The following SHANK2 variants were observed in gnomAD, a reference collection of about 807,000 sequenced individuals.
SHANK2 encodes SH3 and multiple ankyrin repeat domains protein 2.
Under a neutral mutation model 133.7 loss-of-function variants are expected in SHANK2, and 43 were observed. The observed-to-expected ratio is 0.32, with a 90% CI of 0.25 to 0.41. The LOEUF (loss-of-function observed/expected upper bound fraction) is 0.41. SHANK2 is among the 10% of genes least tolerant of loss of function. The pLI is 1.00. For synonymous variants in SHANK2, 1,017 were observed against 952.8 expected, an observed-to-expected ratio of 1.07 and a Z score of -1.24; for missense variants, 1,994 against 2,235.8, an observed-to-expected ratio of 0.89 and a Z score of 2.18.
rs782236158 is a variant in SHANK2, at chr11:70,820,641, G to A, written c.1216C>T (p.Arg406Trp). 2.3e-5 allele frequency: 16 copies of A among 707,070 alleles called. No individual in the cohort carries two copies. The highest frequency in any genetic ancestry group is 8.1e-5 in the East Asian group (3 of 37,036). The allele number at this position is 707,070 out of a possible 1,614,324, so 43.8% of individuals were successfully genotyped here. The change falls in exon 12 of 26, where the codon CGG becomes TGG. Residue 406 changes from arginine (R) to tryptophan (W), a missense_variant. Physicochemically the swap from Arg to Trp is moderately radical, Grantham distance 101. This residue lies in a region of SHANK2 where 653 missense variants were observed against 563.4 expected (regional missense o/e 1.16). Coordinates refer to ENST00000601538, the MANE Select transcript of SHANK2 (RefSeq NM_012309.5). ...GGGGCGGCCAGCGTGTTGGGGGGCC[G>A]CCGCCGGCGGTTGGAGTACGCCGGG... ...EAPAYSNRRRRPPNTLAAPRV... is the reference protein window; with the variant it reads ...EAPAYSNRRRWPPNTLAAPRV...
chr11:70,833,093 G>A lies in SHANK2; in HGVS notation c.1175-12411C>T, dbSNP rs147529469. ...TCCCTCAGCTTCCCCAGCTGCTGTG[G>A]TTTCGAGTTCGAGCCCATCAGACAC... On this transcript the variant is annotated intron_variant, in intron 11 of 25. Coordinates refer to ENST00000601538, the MANE Select transcript of SHANK2 (RefSeq NM_012309.5). Among the ~76,000 whole-genome samples, 885 of 152,366 alleles carry A rather than the reference G, an allele frequency of 5.8e-3. 8 individuals are homozygous for A. The highest frequency in any genetic ancestry group is 0.019 in the African/African-American group (784 of 41,582).
At chr11:70,768,952 A>G (rs1157819667) in intron 14 of SHANK2, among the ~76,000 whole-genome samples, 1 of 152,114 alleles carries the variant, frequency 6.6e-6, no homozygotes, top group Non-Finnish European at 1.5e-5. Context: ...AGCTTTCCCC[A>G]AAGGTGTCTG....
intron 17 of SHANK2, among the ~76,000 whole-genome samples, chr11:70,574,794 G>C (rs1359461344): frequency 1.3e-5 from 2 of 152,172 alleles, no homozygotes; most frequent in Non-Finnish European, 2.9e-5. Context: ...GCTGTAGTGC[G>C]AGGACACCCA....
chr11:70,896,986 C>A (rs1555075831), intron 10 of SHANK2, among the ~76,000 whole-genome samples: 1 of 152,154 alleles, frequency 6.6e-6, no homozygotes, highest in Non-Finnish European at 1.5e-5. Context: ...ATCTACATAA[C>A]TGGAAAGAAG....
chr11:70,572,989 A>C (rs2060064873), intron 17 of SHANK2, among the ~76,000 whole-genome samples: 1 of 152,142 alleles, frequency 6.6e-6, no homozygotes, highest in Non-Finnish European at 1.5e-5. Flanking sequence ...AGTGGCTGCA[A>C]CCAAACGCCC....
At chr11:71,113,176 C>A (rs1258504663) in intron 5 of SHANK2, 117 bp downstream of exon 5, 2 of 937,914 alleles carry the variant, frequency 2.1e-6, no homozygotes, top group African/African-American at 3.3e-5. Context: ...CAGCCACACG[C>A]CATGCCAGGT....
intron 17 of SHANK2, among the ~76,000 whole-genome samples, chr11:70,549,473 G>C (rs2059737169): frequency 6.6e-6 from 1 of 152,226 alleles, no homozygotes; most frequent in Non-Finnish European, 1.5e-5. Flanking sequence ...CTTTGGTGAT[G>C]GGACATCGAC....
At chr11:70,843,630 G>A (rs1303984531) in intron 11 of SHANK2, among the ~76,000 whole-genome samples, 9 of 151,852 alleles carry the variant, frequency 5.9e-5, no homozygotes, top group South Asian at 2.1e-4. Flanking sequence ...CCTACAAGCC[G>A]CAGAGACAGG....
Position 71,108,945 on chromosome 11 carries a change from C to G in SHANK2, c.592+996G>C, listed in dbSNP as rs550323122. On this transcript the variant is annotated intron_variant, in intron 6 of 25. Transcript: ENST00000601538. ...GAATCCACACCCAGCGGGCCCCCCC[C>G]CAGCGTTCAGAGGTCGAGGGGGCTC... Among the ~76,000 whole-genome samples, 152 of 152,298 alleles carry G rather than the reference C, an allele frequency of 1.0e-3. 1 individual carries two copies. Among genetic ancestry groups the G allele is most frequent in the African/African-American group, 2.0e-3 (81 of 41,532 alleles).
chr11:70,604,669 A>G (rs1418432232), intron 17 of SHANK2: 1 of 152,312 alleles, frequency 6.6e-6, no homozygotes, highest in Non-Finnish European at 1.5e-5. Context: ...CTACACATGT[A>G]TACATACAAC....
At chr11:70,622,127 C>T (rs118054678) in intron 17 of SHANK2, among the ~76,000 whole-genome samples, 131 of 152,254 alleles carry the variant, frequency 8.6e-4, no homozygotes, top group Non-Finnish European at 1.7e-3. Flanking sequence ...CTGACAAGAA[C>T]AGCTGGTCAA....
chr11:71,131,486 C>T (rs1180761377), intron 3 of SHANK2, among the ~76,000 whole-genome samples: 6 of 152,130 alleles, frequency 3.9e-5, no homozygotes, highest in African/African-American at 1.4e-4. Flanking sequence ...TCATGGCAGC[C>T]GCTGGATGCT....
rs531565031 is a variant in SHANK2 at position 71,248,344 on chromosome 11, G to A, written c.-113+4081C>T. ...CTGGTTTTCACCTGCTGACCGCAGC[G>A]CGATTTCACAGCACGGGAACCAGAA... On this transcript the variant is annotated intron_variant, in intron 1 of 25. Transcript: ENST00000601538. Among the ~76,000 whole-genome samples the A allele has an allele frequency of 1.1e-4, 16 of 152,364 alleles. No homozygotes were observed. The East Asian group carries it at 1.2e-3, about 11-fold the overall frequency.
chr11:71,071,722 G>T (rs1379842456), intron 9 of SHANK2, among the ~76,000 whole-genome samples: 1 of 152,210 alleles, frequency 6.6e-6, no homozygotes, highest in East Asian at 1.9e-4. Flanking sequence ...GACTCCAGCA[G>T]AGTGGCTGGA....
intron 25 of SHANK2, among the ~76,000 whole-genome samples, chr11:70,475,920 C>T (rs782807533): frequency 7.2e-5 from 11 of 152,284 alleles, no homozygotes; most frequent in Admixed American, 2.0e-4. Context: ...GGCCCAGTTA[C>T]TCACAATCAA....
chr11:70,508,000 G>T (rs1554968697), intron 17 of SHANK2, among the ~76,000 whole-genome samples: 1 of 152,204 alleles, frequency 6.6e-6, no homozygotes, highest in African/African-American at 2.4e-5. Flanking sequence ...CATTTGCTTT[G>T]CACCCCTCCA....
chr11:71,173,151 C>T (rs1384759890), intron 2 of SHANK2, among the ~76,000 whole-genome samples: 1 of 152,206 alleles, frequency 6.6e-6, no homozygotes, highest in Non-Finnish European at 1.5e-5. Context: ...TTTATTTTTT[C>T]AAGCTACTGG....
intron 21 of SHANK2, among the ~76,000 whole-genome samples, chr11:70,498,190 T>C (rs554753647): frequency 6.6e-6 from 1 of 152,372 alleles, no homozygotes; most frequent in Non-Finnish European, 1.5e-5. Context: ...TCTCTGGAGT[T>C]GCAGTGCTAC....
At chr11:70,734,963 G>A (rs1171800477) in intron 14 of SHANK2, among the ~76,000 whole-genome samples, 2 of 152,208 alleles carry the variant, frequency 1.3e-5, no homozygotes, top group Non-Finnish European at 2.9e-5. Context: ...GGGATTCTGG[G>A]TTGCCCTGGA....
Sources: allele counts gnomAD v4.1 joint callset (sites outside exome capture counted in the v4.1 genomes callset), GRCh38; gene constraint gnomAD v4.1.1; regional missense constraint gnomAD v4.1.1; transcripts MANE v1.5; gene names NCBI Gene and HGNC (gene_info 2026-07-23, HGNC 2026-07-21).